PACRG: variants seen among roughly 807,000 people sequenced by gnomAD.
PACRG encodes parkin coregulated gene protein.
In PACRG, 29 loss-of-function variants were observed where a neutral mutation model predicts 29.7. The ratio of observed to expected loss-of-function variants is 0.98; its 90% CI spans 0.73 to 1.33. The LOEUF is 1.33. PACRG is among the 40% of genes most tolerant of loss of function. PACRG has a pLI of 0.00. For missense variants in PACRG, 279 were observed against 316.2 expected (o/e 0.88, Z 0.89); for synonymous variants, 116 against 118.7 (o/e 0.98, Z 0.15).
intron 3 of PACRG, among the ~76,000 whole-genome samples, chr6:163,087,479 A>AGTGAGG (rs1813675940): frequency 1.3e-5 from 2 of 151,042 alleles, no homozygotes; most frequent in African/African-American, 2.4e-5. Flanking sequence ...GAGGATGGAG[A>AGTGAGG]CCAGGACCAG....
intron 1 of PACRG, among the ~76,000 whole-genome samples, chr6:162,791,251 GGGGTTTTTGT>G (rs1233072537): frequency 6.6e-6 from 1 of 151,688 alleles, no homozygotes; most frequent in Admixed American, 6.6e-5. Context: ...GCTGAAAATG[GGGGTTTTTGT>G]GGGTATATTT....
chr6:163,272,889 A>ATTTTTTTTTTTTT (rs1301093605), intron 4 of PACRG, among the ~76,000 whole-genome samples: 6 of 117,390 alleles, frequency 5.1e-5, no homozygotes, highest in African/African-American at 2.2e-4. Context: ...ATGATGCATC[A>ATTTTTTTTTTTTT]TTCTTTTTTT....
At chr6:163,212,961 T>G (rs1997717) in intron 4 of PACRG, among the ~76,000 whole-genome samples, 120,872 of 151,998 alleles carry the variant, frequency 0.8, 48,756 homozygotes, top group African/African-American at 0.94. Context: ...TGTATTTTTA[T>G]TAGACATGGG....
chr6:163,312,842 A>G (rs1290906958), intron 4 of PACRG: 7 of 418,822 alleles, frequency 1.7e-5, no homozygotes, highest in Non-Finnish European at 3.3e-5. Flanking sequence ...AACCTCGACC[A>G]CCTGGGCTCA....
intron 2 of PACRG, among the ~76,000 whole-genome samples, chr6:162,941,360 G>T (rs1388603743): frequency 6.6e-6 from 1 of 152,098 alleles, no homozygotes; most frequent in Non-Finnish European, 1.5e-5. Context: ...TCCCTTCCAC[G>T]TGTGCCACAT....
chr6:163,182,290 C>T (rs1222728932), intron 4 of PACRG, among the ~76,000 whole-genome samples: 1 of 152,190 alleles, frequency 6.6e-6, no homozygotes, highest in Non-Finnish European at 1.5e-5. Context: ...ATGAAAGTTA[C>T]TGAAGAAATT....
intron 3 of PACRG, among the ~76,000 whole-genome samples, chr6:163,073,384 C>G (rs530994100): frequency 6.6e-6 from 1 of 152,154 alleles, no homozygotes; most frequent in South Asian, 2.1e-4. Flanking sequence ...TCCATATGCA[C>G]AAGAATGAAA....
chr6:163,299,653 G>T (rs1784912529), intron 4 of PACRG, among the ~76,000 whole-genome samples: 1 of 152,206 alleles, frequency 6.6e-6, no homozygotes, highest in Admixed American at 6.5e-5. Context: ...AGCCGAGGTG[G>T]GTGGATCCTG....
At chr6:163,050,995 C>G (rs1019571425) in intron 2 of PACRG, among the ~76,000 whole-genome samples, 11 of 152,172 alleles carry the variant, frequency 7.2e-5, no homozygotes, top group Non-Finnish European at 4.4e-5. Context: ...GAGGGAGCAT[C>G]CCGGGTCTTG....
intron 1 of PACRG, among the ~76,000 whole-genome samples, chr6:162,806,596 CT>C (rs919997864): frequency 2.6e-5 from 4 of 152,038 alleles, no homozygotes; most frequent in African/African-American, 7.2e-5. Flanking sequence ...TGAAAGAAAT[CT>C]TTTTTTCTGA....
At chr6:162,755,866 G>T (rs1450566865) in intron 1 of PACRG, among the ~76,000 whole-genome samples, 1 of 151,104 alleles carries the variant, frequency 6.6e-6, no homozygotes, top group Non-Finnish European at 1.5e-5. Flanking sequence ...GTCACAAAAT[G>T]TTTTTTTTTA....
At chr6:162,953,141 TA>T (rs1430938732) in intron 2 of PACRG, among the ~76,000 whole-genome samples, 1 of 152,198 alleles carries the variant, frequency 6.6e-6, no homozygotes, top group Non-Finnish European at 1.5e-5. Context: ...ACAAGTGTCA[TA>T]ACTGCATTAA....
chr6:162,915,500 T>G (rs1796637580), intron 2 of PACRG, among the ~76,000 whole-genome samples: 1 of 152,080 alleles, frequency 6.6e-6, no homozygotes, highest in South Asian at 2.1e-4. Context: ...ACAGTGTCTG[T>G]TTTGTACTAT....
intron 1 of PACRG, among the ~76,000 whole-genome samples, chr6:162,793,961 C>T (rs1584377530): frequency 6.6e-6 from 1 of 152,194 alleles, no homozygotes; most frequent in Admixed American, 6.5e-5. Flanking sequence ...ACCTATGTAA[C>T]AAACCTGCAC....
In PACRG at chr6:163,181,971, C is replaced by T. The variant is rs1272250928; in HGVS notation, c.613+92563C>T. Among the ~76,000 whole-genome samples the T allele has an allele frequency of 3.9e-5, 6 of 152,338 alleles. No individual in the cohort carries two copies. In the South Asian group the frequency reaches 1.2e-3, roughly 32 times the overall value. ...GACCGTTCTCCCTTTTGGACGAGAT[C>T]TGAAACAAAGCTTCCAATCACTTCC... On this transcript the variant is annotated intron_variant, in intron 4 of 4. Coordinates refer to ENST00000366888, the MANE Select transcript of PACRG (RefSeq NM_001080379.2).
At chr6:162,807,715 G>C (rs1487691355) in intron 1 of PACRG, among the ~76,000 whole-genome samples, 1 of 152,024 alleles carries the variant, frequency 6.6e-6, no homozygotes, top group Non-Finnish European at 1.5e-5. Flanking sequence ...ATAGTACCAG[G>C]ATTACCAAAA....
intron 4 of PACRG, among the ~76,000 whole-genome samples, chr6:163,224,966 A>C (rs1241469168): frequency 1.3e-5 from 2 of 152,250 alleles, no homozygotes; most frequent in Non-Finnish European, 2.9e-5. Context: ...GTTAATATAC[A>C]AAATATATAA....
intron 2 of PACRG, among the ~76,000 whole-genome samples, chr6:162,995,796 C>T (rs1803983082): frequency 6.6e-6 from 1 of 152,176 alleles, no homozygotes; most frequent in African/African-American, 2.4e-5. Context: ...GAGTAATATC[C>T]TGTTGTGTGT....
chr6:163,164,274 C>CA (rs1200901267), intron 4 of PACRG, among the ~76,000 whole-genome samples: 4 of 152,216 alleles, frequency 2.6e-5, no homozygotes, highest in Admixed American at 1.3e-4. Context: ...TTCGATATCT[C>CA]AGTCACATGT....
Sources: allele counts gnomAD v4.1 joint callset (sites outside exome capture counted in the v4.1 genomes callset), GRCh38; gene constraint gnomAD v4.1.1; transcripts MANE v1.5; gene names NCBI Gene and HGNC (gene_info 2026-07-23, HGNC 2026-07-21).